Variants in COLEC12 observed in about 807,000 individuals in gnomAD.
COLEC12 encodes collectin subfamily member 12, also known as collectin-12.
Under a neutral mutation model 71.1 loss-of-function variants are expected in COLEC12, and 33 were observed. That is an observed-to-expected ratio of 0.46 (90% CI 0.35 to 0.62). The LOEUF (loss-of-function observed/expected upper bound fraction) is 0.62. Among genes scored for constraint, COLEC12 ranks in the 20% least tolerant of loss-of-function variants. The pLI, the probability that COLEC12 is intolerant of heterozygous loss-of-function variation, is 0.00. For missense variants in COLEC12, 765 were observed against 916.1 expected (o/e 0.84, Z 2.13); for synonymous variants, 350 against 353.0 (o/e 0.99, Z 0.10).
At chr18:368,678 CAT>C (rs1478822181) in intron 2 of COLEC12, among the ~76,000 whole-genome samples, 9 of 151,454 alleles carry the variant, frequency 5.9e-5, no homozygotes, top group Non-Finnish European at 1.0e-4. Context: ...GCCTGGCTAA[CAT>C]GGTGAAACCC....
At chr18:453,184 T>C (rs1422729735) in intron 2 of COLEC12, among the ~76,000 whole-genome samples, 2 of 152,210 alleles carry the variant, frequency 1.3e-5, no homozygotes, top group Non-Finnish European at 2.9e-5. Context: ...GAATTCTAAA[T>C]TAGCATCGTA....
chr18:335,038 G>A lies in COLEC12; in HGVS notation c.1520C>T (p.Pro507Leu). 1 of 1,598,080 alleles carries A rather than the reference G, an allele frequency of 6.3e-7. No homozygotes were observed. Among genetic ancestry groups the A allele is most frequent in the Non-Finnish European group, 8.5e-7 (1 of 1,174,970 alleles). Reference sequence around the variant, plus strand: ...CCCAGGGGAACCACGGGAGCCTTTGGGGCCCTGGGAGCCTTTAGATCCTTT... The same window carrying A: ...CCCAGGGGAACCACGGGAGCCTTTGAGGCCCTGGGAGCCTTTAGATCCTTT... ...GGKGSKGSQG[P>L]KGSRGSPGKP... The change falls in exon 6 of 10, where the codon CCC (proline) becomes CTC (leucine). Residue 507 changes from proline to leucine, a missense_variant. Pro to Leu is a moderately conservative substitution (Grantham distance 98). Coordinates refer to ENST00000400256, the MANE Select transcript of COLEC12 (RefSeq NM_130386.3).
chr18:429,272 A>C (rs1031042513), intron 2 of COLEC12, among the ~76,000 whole-genome samples: 3 of 152,230 alleles, frequency 2.0e-5, no homozygotes, highest in Non-Finnish European at 4.4e-5. Flanking sequence ...TGCAAATTTC[A>C]AAGTATTTAA....
chr18:350,404 G>GT (rs1172771071), intron 3 of COLEC12, among the ~76,000 whole-genome samples: 1 of 152,090 alleles, frequency 6.6e-6, no homozygotes, highest in African/African-American at 2.4e-5. Flanking sequence ...CCAGTCTCGG[G>GT]TATGTCTTTA....
intron 2 of COLEC12, among the ~76,000 whole-genome samples, chr18:425,107 G>C (rs1916174825): frequency 6.6e-6 from 1 of 152,192 alleles, no homozygotes; most frequent in Admixed American, 6.5e-5. Context: ...GGAGAGATCT[G>C]TTCTTATTCT....
intron 1 of COLEC12, among the ~76,000 whole-genome samples, chr18:491,021 T>C (rs1917610795): frequency 6.6e-6 from 1 of 152,208 alleles, no homozygotes. Context: ...GTATCACTGG[T>C]TGTTAAAATA....
At position 379,502 on chromosome 18, in the gene COLEC12, G is replaced by A. The variant is rs374489220; in HGVS notation, c.59-21980C>T. On this transcript the variant is annotated intron_variant, in intron 2 of 9. Coordinates refer to ENST00000400256, the MANE Select transcript of COLEC12 (RefSeq NM_130386.3). ...CCATGCAACTAAAAGTTTTGGAAAA[G>A]TGAAGAAAATAGAGGAGAATGACAA... Among the ~76,000 whole-genome samples the A allele has an allele frequency of 1.9e-3, 283 of 152,180 alleles. 1 individual carries two copies. The highest frequency in any genetic ancestry group is 6.4e-3 in the African/African-American group (265 of 41,534).
chr18:443,119 T>C (rs1023444382), intron 2 of COLEC12, among the ~76,000 whole-genome samples: 9 of 152,250 alleles, frequency 5.9e-5, no homozygotes, highest in Admixed American at 1.3e-4. Flanking sequence ...TATTAGTTAA[T>C]ACGGAATTAT....
At chr18:369,333 C>A (rs535149136) in intron 2 of COLEC12, among the ~76,000 whole-genome samples, 1 of 151,898 alleles carries the variant, frequency 6.6e-6, no homozygotes, top group Admixed American at 6.5e-5. Flanking sequence ...CTGGCACCAC[C>A]AAGCTTGGAC....
In COLEC12 at chr18:325,406, G is replaced by T. The variant is rs564911074; in HGVS notation, c.2064-3599C>A. Among the ~76,000 whole-genome samples, 11 of 152,070 alleles carry T rather than the reference G, an allele frequency of 7.2e-5. No homozygotes were observed. In the South Asian group the frequency reaches 1.9e-3, roughly 26 times the overall value. On this transcript the variant is annotated intron_variant, in intron 8 of 9. Coordinates refer to ENST00000400256, the MANE Select transcript of COLEC12 (RefSeq NM_130386.3). ...GTTTGGGGAGATTCTCAGGAAGACT[G>T]TCACATCTCTGGTGATCTAAGGTGG...
intron 7 of COLEC12, 63 bp downstream of exon 7, chr18:332,944 A>G: frequency 7.0e-7 from 1 of 1,419,106 alleles, no homozygotes; most frequent in Non-Finnish European, 9.5e-7. Context: ...CAAGCCTGCA[A>G]TTTCCAGATG....
chr18:406,497 C>G (rs1233073147), intron 2 of COLEC12, among the ~76,000 whole-genome samples: 1 of 107,676 alleles, frequency 9.3e-6, no homozygotes, highest in Non-Finnish European at 1.7e-5. Context: ...GCCTGGACGA[C>G]AGAGCGAGAC....
intron 2 of COLEC12, among the ~76,000 whole-genome samples, chr18:401,408 T>G (rs1481754892): frequency 6.6e-6 from 1 of 152,258 alleles, no homozygotes; most frequent in Non-Finnish European, 1.5e-5. Context: ...ATTGGCTTCC[T>G]GACAGGGATT....
In COLEC12 at chr18:500,432, G is replaced by GGC; in HGVS notation, c.7+75_7+76insGC. 4.7e-6 allele frequency: 4 copies of GGC among 848,798 alleles called. No individual in the cohort carries two copies. The highest frequency in any genetic ancestry group is 5.7e-6 in the Non-Finnish European group (4 of 696,182). The allele number at this position is 848,798 out of a possible 1,614,324, so 52.6% of individuals were successfully genotyped here. On this transcript the variant is annotated intron_variant, in intron 1 of 9. Transcript: ENST00000400256. This position sits in a 1 kb window ranked among gnomAD's most constrained non-coding sequence, Gnocchi z 5.3. The stretch of plus-strand genomic sequence containing the variant: ...GCCCAAGGGAAGGTTCGCGCGGGAG[G>GGC]CACCTCCGTGGCCTCCCGCGCGCCC...
chr18:497,498 G>A (rs538888844), intron 1 of COLEC12, among the ~76,000 whole-genome samples: 4 of 152,064 alleles, frequency 2.6e-5, no homozygotes, highest in East Asian at 1.9e-4. Context: ...TCCACCTCCC[G>A]GGTTCAAGCT....
chr18:322,801 C>A (rs1913741517), intron 8 of COLEC12, among the ~76,000 whole-genome samples: 1 of 152,168 alleles, frequency 6.6e-6, no homozygotes, highest in Non-Finnish European at 1.5e-5. Flanking sequence ...CTGTATGGCC[C>A]TGTATCTTTG....
At chr18:474,468 G>A (rs867318068) in intron 2 of COLEC12, among the ~76,000 whole-genome samples, 2 of 152,220 alleles carry the variant, frequency 1.3e-5, no homozygotes, top group African/African-American at 2.4e-5. Flanking sequence ...GACAAGGCAA[G>A]GAGGGTCTGA....
At chr18:332,986 C>T (rs1354927212) in intron 7 of COLEC12, 21 bp downstream of exon 7, 3 of 1,542,182 alleles carry the variant, frequency 1.9e-6, no homozygotes, top group Non-Finnish European at 2.6e-6. Context: ...TTTTCCCCAA[C>T]CAAGTATGTG....
rs569803114 is a variant in COLEC12 at position 470,132 on chromosome 18, A to T, written c.58+10575T>A. On this transcript the variant is annotated intron_variant, in intron 2 of 9. Coordinates refer to ENST00000400256, the MANE Select transcript of COLEC12 (RefSeq NM_130386.3). Reference sequence around the variant, plus strand: ...GGTGGGACAATCATTATATCTTAATATTTTTTATCAGGCAGGGTGCAATGG... The same window carrying T: ...GGTGGGACAATCATTATATCTTAATTTTTTTTATCAGGCAGGGTGCAATGG... Among the ~76,000 whole-genome samples, 13 of 148,796 alleles carry T rather than the reference A, an allele frequency of 8.7e-5. No homozygotes were observed. In the South Asian group the frequency reaches 2.8e-3, roughly 32 times the overall value.
Sources: allele counts gnomAD v4.1 joint callset (sites outside exome capture counted in the v4.1 genomes callset), GRCh38; gene constraint gnomAD v4.1.1; non-coding constraint Gnocchi (gnomAD v3.1); transcripts MANE v1.5; gene names NCBI Gene and HGNC (gene_info 2026-07-23, HGNC 2026-07-21).